USP24: variants seen among roughly 807,000 people sequenced by gnomAD.
The protein encoded by USP24 is ubiquitin specific peptidase 24.
Under a neutral mutation model 361.6 loss-of-function variants are expected in USP24, and 97 were observed. The observed-to-expected ratio is 0.27, with a 90% CI of 0.23 to 0.32. USP24 has a LOEUF of 0.32. Among genes scored for constraint, USP24 ranks in the 10% least tolerant of loss-of-function variants. The probability of loss-of-function intolerance (pLI) is 1.00; values close to 1 mark genes in which losing one functional copy is unlikely to be tolerated. For missense variants in USP24, 2,353 were observed against 3,165.6 expected (o/e 0.74, Z 6.16); for synonymous variants, 1,098 against 1,124.6 (o/e 0.98, Z 0.47).
At chr1:55,072,479 AT>A (rs1332854886) in intron 65 of USP24, 76 bp from the exon 66 acceptor site, 9 of 1,233,766 alleles carry the variant, frequency 7.3e-6, no homozygotes, top group Non-Finnish European at 1.0e-5. Context: ...ACCATTAGAT[AT>A]TGAGTCTTAA....
chr1:55,094,020 G>T lies in USP24; in HGVS notation c.6271C>A (p.Arg2091=), dbSNP rs749804051. 6.2e-7 allele frequency: 1 copy of T among 1,613,682 alleles called. No individual in the cohort carries two copies. The change falls in exon 52 of 68, where the codon CGG becomes AGG. Residue 2091 remains arginine (R), a synonymous_variant. Transcript: ENST00000294383. ...ACCAGCTTGGTAAGAATAGACAGCC[G>T]GTCATTGTTCGGCCTATGGGGCCGA... ...SPRPHRPNND[R]LSILTKLVKK... is the part of the protein sequence containing the mutation.
chr1:55,094,029 T>C lies in USP24; in HGVS notation c.6262A>G (p.Asn2088Asp). ...GTAAGAATAGACAGCCGGTCATTGTTCGGCCTATGGGGCCGAGGGGATGAC... is the reference window on the plus strand; with the variant it reads ...GTAAGAATAGACAGCCGGTCATTGTCCGGCCTATGGGGCCGAGGGGATGAC... The part of the protein sequence containing the change: ...PQSSPRPHRP[N>D]NDRLSILTKL... The change falls in exon 52 of 68, where the codon AAC becomes GAC. Residue 2088 changes from asparagine to aspartate, a missense_variant. This residue lies in a region of USP24 where 598 missense variants were observed against 761.9 expected (regional missense o/e 0.78). Coordinates refer to ENST00000294383, the MANE Select transcript of USP24 (RefSeq NM_015306.3). 6.2e-7 allele frequency: 1 copy of C among 1,613,874 alleles called. No individual in the cohort carries two copies. Among genetic ancestry groups the C allele is most frequent in the Non-Finnish European group, 8.5e-7 (1 of 1,179,828 alleles).
At chr1:55,159,077 A>G (rs1285658314) in intron 9 of USP24, 41 bp from the exon 10 acceptor site, 6 of 1,397,190 alleles carry the variant, frequency 4.3e-6, no homozygotes, top group Non-Finnish European at 5.6e-6. Flanking sequence ...AAGGAACTGT[A>G]AAAACATTTT....
rs1050229748 is a variant in USP24, at chr1:55,075,169, G to A, written c.7447+288C>T. ...AAATTTCTTGCATCAGGGAGTGGCCGTTAGCTTGTTGAAAAAAACTCACAG... is the reference window on the plus strand; with the variant it reads ...AAATTTCTTGCATCAGGGAGTGGCCATTAGCTTGTTGAAAAAAACTCACAG... On this transcript the variant is annotated intron_variant, in intron 63 of 67. Coordinates refer to ENST00000294383, the MANE Select transcript of USP24 (RefSeq NM_015306.3). Among the ~76,000 whole-genome samples, 8 of 152,154 alleles carry A rather than the reference G, an allele frequency of 5.3e-5. No homozygotes were observed. The South Asian group carries it at 6.3e-4, about 12-fold the overall frequency.
intron 1 of USP24, among the ~76,000 whole-genome samples, chr1:55,181,181 A>G (rs1451468591): frequency 1.3e-5 from 2 of 152,228 alleles, no homozygotes; most frequent in Non-Finnish European, 2.9e-5. Flanking sequence ...ATAAAGCAGA[A>G]ATCATAAAAC....
Position 55,085,950 on chromosome 1 carries a change from G to C in USP24, c.6757C>G (p.Gln2253Glu). The change falls in exon 56 of 68, where the codon CAG becomes GAG. Residue 2253 changes from glutamine to glutamate, a missense_variant. Coordinates refer to ENST00000294383, the MANE Select transcript of USP24 (RefSeq NM_015306.3). ...TTAAAAATGAGACCGACCTTATCCTGATAAAACAAGGCACTGTCTAGGGTT... is the reference window on the plus strand; with the variant it reads ...TTAAAAATGAGACCGACCTTATCCTCATAAAACAAGGCACTGTCTAGGGTT... ...EKTLDSALFY[Q>E]DKLKSLHQLL... 1 of 1,613,810 alleles carries C rather than the reference G, an allele frequency of 6.2e-7. No homozygotes were observed. Among genetic ancestry groups the C allele is most frequent in the South Asian group, 1.1e-5 (1 of 91,076 alleles).
intron 36 of USP24, 116 bp from the exon 37 acceptor site, chr1:55,121,622 A>G: frequency 1.3e-6 from 1 of 783,602 alleles, no homozygotes; most frequent in South Asian, 1.9e-5. Flanking sequence ...TTTACATACA[A>G]TAATTCAGGA....
intron 1 of USP24, among the ~76,000 whole-genome samples, chr1:55,194,884 T>A (rs993531215): frequency 6.6e-6 from 1 of 152,190 alleles, no homozygotes; most frequent in Non-Finnish European, 1.5e-5. Flanking sequence ...TAGCCAAGCC[T>A]GCTTACTTGA....
intron 1 of USP24, among the ~76,000 whole-genome samples, chr1:55,178,592 C>T (rs1650231539): frequency 6.6e-6 from 1 of 151,820 alleles, no homozygotes. Flanking sequence ...TGGCGTGAAC[C>T]CGGGAGGCGG....
At chr1:55,120,990 G>A (rs189806661) in intron 37 of USP24, among the ~76,000 whole-genome samples, 1 of 152,030 alleles carries the variant, frequency 6.6e-6, no homozygotes, top group Non-Finnish European at 1.5e-5. Context: ...TACTCAATAG[G>A]TTTATAACTT....
intron 16 of USP24, among the ~76,000 whole-genome samples, chr1:55,149,749 C>A (rs1439798999): frequency 1.3e-5 from 2 of 152,162 alleles, no homozygotes; most frequent in African/African-American, 4.8e-5. Flanking sequence ...CTTAGCTGTA[C>A]ACAAAAGGTA....
Position 55,134,393 on chromosome 1 carries a change from T to C in USP24, c.3222A>G (p.Val1074=). The C allele has an allele frequency of 6.2e-7, 1 of 1,611,896 alleles. No homozygotes were observed. The highest frequency in any genetic ancestry group is 1.3e-5 in the African/African-American group (1 of 75,028). Residue 1074 remains valine (V), a synonymous_variant, in exon 29 of 68, where the codon GTA becomes GTG. Coordinates refer to ENST00000294383, the MANE Select transcript of USP24 (RefSeq NM_015306.3). The part of the protein sequence containing the change: ...AMEQEKSLPG[V]VMALVCNVFD... ...ATACGTTACATACGAGAGCCATCAC[T>C]ACACCAGGGAGGGATTTCTCCTGAT...
intron 58 of USP24, 144 bp from the exon 59 acceptor site, chr1:55,081,568 T>C: frequency 2.6e-6 from 2 of 776,978 alleles, no homozygotes; most frequent in Admixed American, 2.4e-5. Flanking sequence ...TACAAAAAAA[T>C]CACAGGTTTT....
chr1:55,194,670 C>CCT (rs371229962), intron 1 of USP24, among the ~76,000 whole-genome samples: 120 of 148,900 alleles, frequency 8.1e-4, no homozygotes, highest in Middle Eastern at 6.9e-3. Flanking sequence ...TTTCTTTGTC[C>CCT]CTCTCTCTCT....
intron 1 of USP24, among the ~76,000 whole-genome samples, chr1:55,183,590 C>T (rs942054339): frequency 4.0e-5 from 6 of 151,766 alleles, no homozygotes; most frequent in Non-Finnish European, 7.4e-5. Context: ...GAGTAATGGA[C>T]GATTAGAGGA....
At position 55,154,725 on chromosome 1, in the gene USP24, C is replaced by T. The variant is rs759837052; in HGVS notation, c.1500G>A (p.Ala500=). Residue 500 remains alanine (A), a synonymous_variant, in exon 13 of 68, where the codon GCG becomes GCA. Transcript: ENST00000294383. ...GCTGATCTGAATTAAATTTCACAGC[C>T]GCTGCAGCAATAATAGTATGAATGT... ...IENIHTIIAA[A]AVKFNSDQLN... is the part of the protein sequence containing the mutation. The T allele has an allele frequency of 7.4e-6, 12 of 1,613,136 alleles. No individual in the cohort carries two copies. Among genetic ancestry groups the T allele is most frequent in the South Asian group, 2.2e-5 (2 of 91,044 alleles).
At chr1:55,153,498 C>T (rs1647313262) in intron 16 of USP24, among the ~76,000 whole-genome samples, 1 of 152,152 alleles carries the variant, frequency 6.6e-6, no homozygotes, top group South Asian at 2.1e-4. Context: ...ACTATGAATG[C>T]TCCTCCATTT....
At chr1:55,103,730 T>C (rs984365247) in intron 42 of USP24, 146 bp downstream of exon 42, 19 of 797,290 alleles carry the variant, frequency 2.4e-5, no homozygotes, top group Middle Eastern at 3.8e-4. Flanking sequence ...CTATAGCTTA[T>C]ACTTGATTTG....
intron 32 of USP24, among the ~76,000 whole-genome samples, chr1:55,126,427 C>T (rs908758096): frequency 6.6e-6 from 1 of 152,320 alleles, no homozygotes; most frequent in African/African-American, 2.4e-5. Flanking sequence ...TTCTCTACAG[C>T]TCTCCTCACC....
Sources: gnomAD v4.1 joint callset for allele counts (sites outside exome capture counted in the v4.1 genomes callset) on GRCh38, gnomAD v4.1.1 for gene constraint, gnomAD v4.1.1 regional missense constraint, MANE v1.5 for transcripts, NCBI Gene and HGNC (gene_info 2026-07-23, HGNC 2026-07-21) for gene names.